The following C12orf56 variants were observed in gnomAD, a reference collection of about 807,000 sequenced individuals.
The protein encoded by C12orf56 is uncharacterized protein C12orf56.
In C12orf56, 71 loss-of-function variants were observed where a neutral mutation model predicts 69.9. That is an observed-to-expected ratio of 1.02 (90% CI 0.84 to 1.24). C12orf56 has a LOEUF of 1.24. Among genes scored for constraint, C12orf56 ranks in the 50% most tolerant of loss-of-function variants. The pLI is 0.00. For synonymous variants in C12orf56, 276 were observed against 274.1 expected, an observed-to-expected ratio of 1.01 and a Z score of -0.07; for missense variants, 732 against 738.5, an observed-to-expected ratio of 0.99 and a Z score of 0.10.
chr12:64,294,974 C>T (rs1393960130), intron 6 of C12orf56, among the ~76,000 whole-genome samples: 1 of 151,232 alleles, frequency 6.6e-6, no homozygotes, highest in Non-Finnish European at 1.5e-5. Flanking sequence ...GATCTTGGCT[C>T]ACTGCAACCT....
chr12:64,358,491 C>G (rs563327901), intron 1 of C12orf56, among the ~76,000 whole-genome samples: 1 of 90,928 alleles, frequency 1.1e-5, no homozygotes, highest in Non-Finnish European at 2.5e-5. Flanking sequence ...TAATCATCAT[C>G]ATCATCATCA....
At chr12:64,358,845 TAGAC>T (rs1359813934) in intron 1 of C12orf56, among the ~76,000 whole-genome samples, 8 of 152,078 alleles carry the variant, frequency 5.3e-5, no homozygotes, top group Non-Finnish European at 1.2e-4. Context: ...CACAAAATCA[TAGAC>T]AGAACAAAAC....
chr12:64,376,138 G>A (rs951914235), intron 1 of C12orf56, among the ~76,000 whole-genome samples: 3 of 152,152 alleles, frequency 2.0e-5, no homozygotes, highest in East Asian at 1.9e-4. Flanking sequence ...AACAATGTCC[G>A]ACTGCGCATC....
At chr12:64,335,773 T>C (rs986875674) in intron 2 of C12orf56, among the ~76,000 whole-genome samples, 2 of 152,212 alleles carry the variant, frequency 1.3e-5, no homozygotes, top group Admixed American at 6.6e-5. Context: ...TAATTTAAAC[T>C]AAGTGTTTTT....
Position 64,318,843 on chromosome 12 carries a change from G to T in C12orf56, c.626C>A (p.Pro209Gln), listed in dbSNP as rs879200955. Reference protein sequence around the residue: ...SPSRRSSQSAPTTGKAVSEPS... With the variant: ...SPSRRSSQSAQTTGKAVSEPS... Reference sequence around the variant, plus strand: ...CTCGCTGACAGCCTTGCCAGTTGTTGGTGCAGACTGAGAGCTCCTCCTGGA... The same window carrying T: ...CTCGCTGACAGCCTTGCCAGTTGTTTGTGCAGACTGAGAGCTCCTCCTGGA... The change falls in exon 4 of 13, where the codon CCA (proline) becomes CAA (glutamine). Residue 209 changes from proline (P) to glutamine (Q), a missense_variant. Coordinates refer to ENST00000543942, the MANE Select transcript of C12orf56 (RefSeq NM_001170633.2). The T allele has an allele frequency of 2.0e-6, 3 of 1,537,186 alleles. No individual in the cohort carries two copies. The highest frequency in any genetic ancestry group is 2.6e-6 in the Non-Finnish European group (3 of 1,146,908).
chr12:64,356,125 T>G (rs1457751673), intron 1 of C12orf56, among the ~76,000 whole-genome samples: 1 of 139,598 alleles, frequency 7.2e-6, no homozygotes, highest in Non-Finnish European at 1.5e-5. Context: ...GATCGTGCCA[T>G]TGCACTTCAG....
intron 3 of C12orf56, among the ~76,000 whole-genome samples, chr12:64,321,390 G>A (rs2038770759): frequency 6.6e-6 from 1 of 152,118 alleles, no homozygotes; most frequent in Non-Finnish European, 1.5e-5. Context: ...GCCCAGGCTG[G>A]TCTTAAACTC....
At chr12:64,327,071 C>T (rs1425953831) in intron 3 of C12orf56, among the ~76,000 whole-genome samples, 1 of 152,228 alleles carries the variant, frequency 6.6e-6, no homozygotes, top group Non-Finnish European at 1.5e-5. Context: ...AGTGCTCTTG[C>T]CATGTGATGT....
At chr12:64,390,273 C>T (rs1280296880) in intron 1 of C12orf56, 41 bp downstream of exon 1, 10 of 1,556,920 alleles carry the variant, frequency 6.4e-6, no homozygotes, top group Non-Finnish European at 8.7e-6. Flanking sequence ...CGGGAGTTCT[C>T]ACTGCGCTCC....
In C12orf56 at chr12:64,352,966, CT is replaced by C. The variant is rs1565770666; in HGVS notation, c.342del (p.Glu115SerfsTer43). 2 of 1,612,998 alleles carry C rather than the reference CT, an allele frequency of 1.2e-6. No individual in the cohort carries two copies. Among genetic ancestry groups the C allele is most frequent in the East Asian group, 4.5e-5 (2 of 44,832 alleles). On this transcript the variant is annotated frameshift_variant, in exon 2 of 13. Transcript: ENST00000543942. LOFTEE classifies it high-confidence loss of function. ...CTGACACTGTTTGACTTTTTACACT[CT>C]TTTTTCAAAACGGTTGAAGAATAGA... is the stretch of plus-strand genomic sequence containing the variant. ...RIIYSSTVLK[K>X]ECKKSNSVRK...
chr12:64,363,786 AAT>A (rs2039428896), intron 1 of C12orf56, among the ~76,000 whole-genome samples: 1 of 152,170 alleles, frequency 6.6e-6, no homozygotes, highest in South Asian at 2.1e-4. Context: ...TCTTTTTAAT[AAT>A]GTGTGACCCT....
intron 1 of C12orf56, among the ~76,000 whole-genome samples, chr12:64,372,631 A>G (rs2039587341): frequency 6.6e-6 from 1 of 152,182 alleles, no homozygotes; most frequent in South Asian, 2.1e-4. Context: ...CTCCTCCCTC[A>G]GCTTCCTGAG....
intron 1 of C12orf56, among the ~76,000 whole-genome samples, chr12:64,357,362 A>T (rs966226926): frequency 6.6e-6 from 1 of 151,626 alleles, no homozygotes; most frequent in Non-Finnish European, 1.5e-5. Flanking sequence ...TTGCCTTATT[A>T]TATTAGACAA....
At chr12:64,280,206 T>C (rs1305065074) in intron 8 of C12orf56, among the ~76,000 whole-genome samples, 2 of 152,170 alleles carry the variant, frequency 1.3e-5, no homozygotes, top group Non-Finnish European at 2.9e-5. Context: ...GCTAATTCAA[T>C]TTAAAATCCA....
chr12:64,312,249 G>A (rs1039939285), intron 5 of C12orf56, among the ~76,000 whole-genome samples: 14 of 152,162 alleles, frequency 9.2e-5, no homozygotes, highest in African/African-American at 9.7e-5. Flanking sequence ...AGACTTAACC[G>A]TCAGGGCAGG....
intron 1 of C12orf56, among the ~76,000 whole-genome samples, chr12:64,376,874 C>T (rs2039648611): frequency 6.6e-6 from 1 of 151,420 alleles, no homozygotes; most frequent in African/African-American, 2.4e-5. Flanking sequence ...GAGTCTTGCT[C>T]TGTTGTCCTG....
intron 1 of C12orf56, among the ~76,000 whole-genome samples, chr12:64,374,325 T>C (rs969760400): frequency 1.3e-5 from 2 of 152,182 alleles, no homozygotes; most frequent in Admixed American, 6.5e-5. Flanking sequence ...ACATCCCACC[T>C]GGGCCTTTTC....
intron 11 of C12orf56, among the ~76,000 whole-genome samples, chr12:64,271,592 T>G (rs1433614289): frequency 1.3e-5 from 2 of 152,192 alleles, no homozygotes; most frequent in Non-Finnish European, 2.9e-5. Context: ...ATGTGTTGCC[T>G]TTTCTATTGT....
chr12:64,372,415 C>A (rs936261864), intron 1 of C12orf56, among the ~76,000 whole-genome samples: 7 of 152,096 alleles, frequency 4.6e-5, no homozygotes, highest in Non-Finnish European at 2.9e-5. Context: ...TATTTTATTG[C>A]GAACTATGTC....
Sources: allele counts gnomAD v4.1 joint callset (sites outside exome capture counted in the v4.1 genomes callset), GRCh38; gene constraint gnomAD v4.1.1; transcripts MANE v1.5; gene names NCBI Gene and HGNC (gene_info 2026-07-23, HGNC 2026-07-21).